Variants in PLCB4 observed in about 807,000 individuals in gnomAD.
The protein encoded by PLCB4 is phospholipase C beta 4.
A neutral mutation model predicts 178.8 loss-of-function variants in PLCB4; 77 were observed. That is an observed-to-expected ratio of 0.43 (90% confidence interval 0.36 to 0.52). The LOEUF (loss-of-function observed/expected upper bound fraction) is 0.52, where lower values mean the gene tolerates loss of function less well. PLCB4 is among the 20% of genes least tolerant of loss of function. The probability of loss-of-function intolerance (pLI) is 0.00; values close to 1 mark genes in which losing one functional copy is unlikely to be tolerated. For missense variants in PLCB4, 1,024 were observed against 1,453.4 expected (o/e 0.70, Z 4.80); for synonymous variants, 496 against 490.8 (o/e 1.01, Z -0.14).
At chr20:9,385,717 G>A (rs1426234753) in intron 14 of PLCB4, among the ~76,000 whole-genome samples, 7 of 146,644 alleles carry the variant, frequency 4.8e-5, no homozygotes, top group African/African-American at 1.5e-4. Flanking sequence ...GGGCAGAGGC[G>A]CTCCTCGCTT....
At chr20:9,359,153 G>A (rs1173509136) in intron 7 of PLCB4, among the ~76,000 whole-genome samples, 1 of 152,162 alleles carries the variant, frequency 6.6e-6, no homozygotes, top group African/African-American at 2.4e-5. Flanking sequence ...TGTTGTATCT[G>A]TGTCTCTCTA....
intron 24 of PLCB4, among the ~76,000 whole-genome samples, chr20:9,409,604 T>C (rs945073621): frequency 6.6e-6 from 1 of 152,186 alleles, no homozygotes; most frequent in Admixed American, 6.5e-5. Flanking sequence ...ATTCAGCAAA[T>C]ATGACTGATG....
At chr20:9,318,538 T>C (rs2094925515) in intron 4 of PLCB4, among the ~76,000 whole-genome samples, 1 of 152,210 alleles carries the variant, frequency 6.6e-6, no homozygotes, top group Non-Finnish European at 1.5e-5. Context: ...TCCAGAATAA[T>C]GGCTGACAGT....
At chr20:9,460,163 A>G (rs1213211101) in intron 35 of PLCB4, among the ~76,000 whole-genome samples, 1 of 152,244 alleles carries the variant, frequency 6.6e-6, no homozygotes, top group Non-Finnish European at 1.5e-5. Context: ...CAACACCCAT[A>G]TGAACAGTTA....
At chr20:9,083,784 A>G (rs1333111971) in intron 1 of PLCB4, among the ~76,000 whole-genome samples, 5 of 152,238 alleles carry the variant, frequency 3.3e-5, no homozygotes, top group African/African-American at 1.2e-4. Flanking sequence ...GAAAGGCCAT[A>G]TGAGGACACG....
chr20:9,339,655 T>C (rs751793232), intron 7 of PLCB4, among the ~76,000 whole-genome samples: 2 of 152,180 alleles, frequency 1.3e-5, no homozygotes, highest in Admixed American at 6.6e-5. Context: ...TACTAAGTCT[T>C]AGAAATCTGA....
intron 35 of PLCB4, among the ~76,000 whole-genome samples, chr20:9,465,438 A>G (rs973711062): frequency 2.6e-5 from 4 of 152,250 alleles, no homozygotes; most frequent in African/African-American, 4.8e-5. Context: ...GGCCAGGGCA[A>G]TCAGGCAAGA....
At chr20:9,329,493 G>A (rs766733663) in intron 4 of PLCB4, among the ~76,000 whole-genome samples, 9 of 152,126 alleles carry the variant, frequency 5.9e-5, no homozygotes, top group Non-Finnish European at 1.0e-4. Context: ...GCAATAGTAG[G>A]CATATTACTA....
intron 7 of PLCB4, among the ~76,000 whole-genome samples, chr20:9,344,051 G>C (rs1244540053): frequency 6.6e-6 from 1 of 152,138 alleles, no homozygotes; most frequent in Non-Finnish European, 1.5e-5. Flanking sequence ...ACAGCAGCTG[G>C]AGGGATGTTT....
intron 2 of PLCB4, among the ~76,000 whole-genome samples, chr20:9,210,662 C>T (rs1159038000): frequency 6.6e-6 from 1 of 151,826 alleles, no homozygotes; most frequent in African/African-American, 2.4e-5. Context: ...TGTGTAGTCT[C>T]TCATTTTTTA....
At chr20:9,122,915 G>A (rs182283208) in intron 2 of PLCB4, among the ~76,000 whole-genome samples, 3 of 152,246 alleles carry the variant, frequency 2.0e-5, no homozygotes, top group Middle Eastern at 3.4e-3. Flanking sequence ...AGGATGTACT[G>A]CATCATGGAC....
rs1404094137 is a variant in PLCB4 at position 9,473,326 on chromosome 20, G to C, written c.3456G>C (p.Gln1152His). 1.3e-6 allele frequency: 2 copies of C among 1,595,620 alleles called. No homozygotes were observed. ...SKEMDQLKKVQLEHLEFLEKQ... is the reference protein window; with the variant it reads ...SKEMDQLKKVHLEHLEFLEKQ... ...AAATGGATCAGTTGAAAAAAGTCCA[G>C]CTTGAACATCTAGAATTCCTAGAGA... Residue 1152 changes from glutamine to histidine, a missense_variant, in exon 38 of 40, where the codon CAG (glutamine) becomes CAC (histidine). This residue lies in a region of PLCB4 where 264 missense variants were observed against 283.2 expected (regional missense o/e 0.93). Transcript: ENST00000378473.
chr20:9,229,220 C>G (rs747885835), intron 3 of PLCB4, among the ~76,000 whole-genome samples: 2 of 152,166 alleles, frequency 1.3e-5, no homozygotes, highest in Non-Finnish European at 2.9e-5. Context: ...CTGATTCATC[C>G]ACTGTGAGAG....
chr20:9,071,637 TA>T (rs1048515606), intron 1 of PLCB4, among the ~76,000 whole-genome samples: 23 of 152,120 alleles, frequency 1.5e-4, no homozygotes, highest in South Asian at 1.0e-3. Flanking sequence ...TGCAGATTAT[TA>T]AAAAAAATTA....
intron 14 of PLCB4, 51 bp downstream of exon 14, chr20:9,384,462 T>C (rs1256126854): frequency 8.0e-7 from 1 of 1,245,600 alleles, no homozygotes; most frequent in Admixed American, 1.7e-5. Context: ...GCCCTTCAGT[T>C]TAATTTACTT....
chr20:9,069,296 A>ACGCG (rs142032387), intron 1 of PLCB4, 90 bp downstream of exon 1: 2 of 151,584 alleles, frequency 1.3e-5, no homozygotes, highest in Admixed American at 6.6e-5. Context: ...TGCGTCCCGG[A>ACGCG]CGCGCGCGCG....
intron 1 of PLCB4, among the ~76,000 whole-genome samples, chr20:9,083,038 T>C (rs6077484): frequency 0.49 from 74,100 of 151,984 alleles, 18,561 homozygotes; most frequent in Middle Eastern, 0.57. Flanking sequence ...AGGAATCCAC[T>C]CCTTAATTAA....
chr20:9,357,670 C>A (rs1214798829), intron 7 of PLCB4, among the ~76,000 whole-genome samples: 1 of 152,094 alleles, frequency 6.6e-6, no homozygotes, highest in African/African-American at 2.4e-5. Context: ...ACCAGATAGC[C>A]CCCTTGCCCT....
intron 3 of PLCB4, among the ~76,000 whole-genome samples, chr20:9,225,269 A>G (rs2093849178): frequency 6.6e-6 from 1 of 152,226 alleles, no homozygotes; most frequent in Non-Finnish European, 1.5e-5. Flanking sequence ...GTTAGAGAAG[A>G]GAAGCATTAA....
Sources: allele counts gnomAD v4.1 joint callset (sites outside exome capture counted in the v4.1 genomes callset), GRCh38; gene constraint gnomAD v4.1.1; regional missense constraint gnomAD v4.1.1; transcripts MANE v1.5; gene names NCBI Gene and HGNC (gene_info 2026-07-23, HGNC 2026-07-21).